The following TEX2 variants were observed in gnomAD, a reference collection of about 807,000 sequenced individuals.
TEX2 encodes testis expressed 2.
A neutral mutation model predicts 106.9 loss-of-function variants in TEX2; 53 were observed. That is an observed-to-expected ratio of 0.50 (90% CI 0.40 to 0.62). TEX2 has a LOEUF of 0.62. Ranked by LOEUF, TEX2 falls within the 20% of genes least tolerant of loss-of-function variation. TEX2 has a pLI of 0.00. For missense variants in TEX2, 1,207 were observed against 1,379.0 expected (o/e 0.88, Z 1.98); for synonymous variants, 523 against 534.8 (o/e 0.98, Z 0.30).
At chr17:64,227,612 A>C (rs1421537380) in intron 1 of TEX2, among the ~76,000 whole-genome samples, 1 of 152,214 alleles carries the variant, frequency 6.6e-6, no homozygotes, top group African/African-American at 2.4e-5. Context: ...AGAAAGACTC[A>C]TTTTTATTAA....
At chr17:64,218,039 A>T (rs1199527786) in intron 1 of TEX2, among the ~76,000 whole-genome samples, 1 of 152,220 alleles carries the variant, frequency 6.6e-6, no homozygotes, top group Non-Finnish European at 1.5e-5. Flanking sequence ...CTCCATTATC[A>T]GGCTCACAAT....
intron 7 of TEX2, among the ~76,000 whole-genome samples, chr17:64,168,126 C>T (rs2031224191): frequency 6.6e-6 from 1 of 152,208 alleles, no homozygotes; most frequent in Admixed American, 6.5e-5. Context: ...ACCTGGGTCG[C>T]ATTTCCCTGG....
chr17:64,195,049 G>T lies in TEX2; in HGVS notation c.1691C>A (p.Ala564Glu). The change falls in exon 3 of 12, where the codon GCG becomes GAG. Residue 564 changes from alanine to glutamate, a missense_variant. Physicochemically the swap from Ala to Glu is moderately radical, Grantham distance 107. Around this residue, in one of 3 missense-constraint regions of TEX2, gnomAD observed 1,067 missense variants for 1,193.6 expected, o/e 0.89. Coordinates refer to ENST00000584379, the MANE Select transcript of TEX2 (RefSeq NM_001288732.2). The surrounding 1 kb of genome is among the most constrained non-coding windows in gnomAD (Gnocchi z 4.1). ...AACAAAGACTGAATGTGTCAAAGTC[G>T]CATGGTAGGTTTCTGGATCATAGTT... is the stretch of plus-strand genomic sequence containing the variant. The part of the protein sequence containing the change: ...IYNYDPETYH[A>E]TLTHSVFVRL... The T allele has an allele frequency of 6.2e-7, 1 of 1,614,114 alleles. No homozygotes were observed. The highest frequency in any genetic ancestry group is 8.5e-7 in the Non-Finnish European group (1 of 1,179,978).
intron 1 of TEX2, among the ~76,000 whole-genome samples, chr17:64,254,598 A>C (rs1237418730): frequency 6.6e-6 from 1 of 152,230 alleles, no homozygotes; most frequent in Non-Finnish European, 1.5e-5. Flanking sequence ...TGCATGTTTG[A>C]TGTGAATTTC....
At chr17:64,186,125 T>A (rs1375674831) in intron 5 of TEX2, among the ~76,000 whole-genome samples, 2 of 152,116 alleles carry the variant, frequency 1.3e-5, no homozygotes, top group Non-Finnish European at 2.9e-5. Flanking sequence ...GTTTTTTAAT[T>A]TGGGGAAATC....
At chr17:64,211,191 C>T (rs552817982) in intron 2 of TEX2, among the ~76,000 whole-genome samples, 6 of 152,244 alleles carry the variant, frequency 3.9e-5, no homozygotes, top group African/African-American at 9.6e-5. Context: ...GAACTCCTGA[C>T]CTCAAGTGAT....
At position 64,213,438 on chromosome 17, in the gene TEX2, G is replaced by C. The variant is rs782506961; in HGVS notation, c.780C>G (p.Ser260=). The C allele has an allele frequency of 1.9e-6, 3 of 1,613,982 alleles. No homozygotes were observed. The Admixed American group carries it at 5.0e-5, about 27-fold the overall frequency. The change falls in exon 2 of 12, where the codon TCC becomes TCG. Residue 260 remains serine, a synonymous_variant. Transcript: ENST00000584379. This position sits in a 1 kb window ranked among gnomAD's most constrained non-coding sequence, Gnocchi z 4.4. ...FTQPRNTGGD[S]KTAPSSPLTS... Reference sequence around the variant, plus strand: ...TCAGTGGGGAAGAAGGTGCAGTTTTGGAATCTCCACCTGTGTTTCGGGGCT... The same window carrying C: ...TCAGTGGGGAAGAAGGTGCAGTTTTCGAATCTCCACCTGTGTTTCGGGGCT...
In TEX2 at chr17:64,188,356, T is replaced by G. The variant is rs1379497552; in HGVS notation, c.2236A>C (p.Ser746Arg). 1.9e-6 allele frequency: 3 copies of G among 1,614,208 alleles called. No homozygotes were observed. The highest frequency in any genetic ancestry group is 2.5e-6 in the Non-Finnish European group (3 of 1,180,032). Residue 746 changes from serine (S) to arginine (R), a missense_variant, in exon 5 of 12, where the codon AGC (serine) becomes CGC (arginine). Around this residue, in one of 3 missense-constraint regions of TEX2, gnomAD observed 1,067 missense variants for 1,193.6 expected, o/e 0.89. Coordinates refer to ENST00000584379, the MANE Select transcript of TEX2 (RefSeq NM_001288732.2). ...TCCTCCACACTGCCTTTGCTGCTGC[T>G]GCGGCTGTGGGTCAGGTGCCCGGAC... ...SPSGHLTHSRSSSKGSVEEIM... is the reference protein window; with the variant it reads ...SPSGHLTHSRRSSKGSVEEIM...
intron 2 of TEX2, among the ~76,000 whole-genome samples, chr17:64,196,618 A>C (rs552291766): frequency 6.6e-6 from 1 of 152,302 alleles, no homozygotes. Flanking sequence ...GAAAAAGATG[A>C]CAATTACAGA....
At chr17:64,244,829 A>G (rs1187132552) in intron 1 of TEX2, among the ~76,000 whole-genome samples, 2 of 152,198 alleles carry the variant, frequency 1.3e-5, no homozygotes, top group African/African-American at 4.8e-5. Context: ...TAAGCATGAT[A>G]CAAATTACAT....
At chr17:64,216,058 C>A (rs1555632628) in intron 1 of TEX2, among the ~76,000 whole-genome samples, 1 of 152,198 alleles carries the variant, frequency 6.6e-6, no homozygotes, top group Non-Finnish European at 1.5e-5. Context: ...AAAACTTTCA[C>A]ACACAGTTCT....
intron 5 of TEX2, among the ~76,000 whole-genome samples, chr17:64,187,275 G>C (rs2032112501): frequency 6.6e-6 from 1 of 152,170 alleles, no homozygotes; most frequent in Non-Finnish European, 1.5e-5. Flanking sequence ...TAGCCGAGGA[G>C]ACTGAGAATT....
At chr17:64,237,225 GTA>G (rs1455768140) in intron 1 of TEX2, among the ~76,000 whole-genome samples, 3 of 152,024 alleles carry the variant, frequency 2.0e-5, no homozygotes, top group Non-Finnish European at 4.4e-5. Flanking sequence ...AAGGGTAAGA[GTA>G]AGGGCCTGAG....
chr17:64,193,463 G>GCTTGCTTT, intron 4 of TEX2, 96 bp downstream of exon 4: 1 of 993,984 alleles, frequency 1.0e-6, no homozygotes. Flanking sequence ...TTCAGGGTGG[G>GCTTGCTTT]CTTCCTTCCT....
intron 1 of TEX2, among the ~76,000 whole-genome samples, chr17:64,251,292 T>A (rs763993737): frequency 6.6e-6 from 1 of 152,172 alleles, no homozygotes; most frequent in Non-Finnish European, 1.5e-5. Context: ...AGGCACCACT[T>A]TGGTACCTAG....
intron 1 of TEX2, among the ~76,000 whole-genome samples, chr17:64,246,992 G>A (rs1233351989): frequency 6.6e-6 from 1 of 152,192 alleles, no homozygotes; most frequent in East Asian, 1.9e-4. Flanking sequence ...GGCGGCAGCT[G>A]GGCGTGGTGG....
chr17:64,191,449 A>G (rs1033047508), intron 4 of TEX2, among the ~76,000 whole-genome samples: 3 of 152,156 alleles, frequency 2.0e-5, no homozygotes, highest in Non-Finnish European at 4.4e-5. Context: ...AGACCAGTAG[A>G]CCTTTATATT....
intron 1 of TEX2, among the ~76,000 whole-genome samples, chr17:64,218,990 C>G (rs372494051): frequency 1.3e-5 from 2 of 152,156 alleles, no homozygotes; most frequent in Admixed American, 1.3e-4. Flanking sequence ...ATTCTCTCCC[C>G]ACGAAAGCAA....
chr17:64,193,551 A>G lies in TEX2; in HGVS notation c.2176+8T>C, dbSNP rs2032368930. On this transcript the variant is annotated splice_region_variant and intron_variant, in intron 4 of 11. Coordinates refer to ENST00000584379, the MANE Select transcript of TEX2 (RefSeq NM_001288732.2). ...AAATGCATAAGCATTTAGCACAAACATCATTACCTGGTTTACCTCCAGAGA... is the reference window on the plus strand; with the variant it reads ...AAATGCATAAGCATTTAGCACAAACGTCATTACCTGGTTTACCTCCAGAGA... The G allele has an allele frequency of 7.1e-7, 1 of 1,412,340 alleles. No individual in the cohort carries two copies. 87.5% of individuals were successfully genotyped at this position (1,412,340 alleles called of 1,614,324 possible).
Sources: gnomAD v4.1 joint callset for allele counts (sites outside exome capture counted in the v4.1 genomes callset) on GRCh38, gnomAD v4.1.1 for gene constraint, gnomAD v4.1.1 regional missense constraint, Gnocchi (gnomAD v3.1) non-coding constraint, MANE v1.5 for transcripts, NCBI Gene and HGNC (gene_info 2026-07-23, HGNC 2026-07-21) for gene names.